Variants in AGBL4 observed in about 807,000 individuals in gnomAD.
The protein encoded by AGBL4 is cytosolic carboxypeptidase 6.
A neutral mutation model predicts 66.4 loss-of-function variants in AGBL4; 58 were observed. The ratio of observed to expected loss-of-function variants is 0.87; its 90% CI spans 0.71 to 1.09. The LOEUF is 1.09. Ranked by LOEUF, AGBL4 falls within the 50% of genes least tolerant of loss-of-function variation. The pLI is 0.00. For synonymous variants in AGBL4, 234 were observed against 222.9 expected (o/e 1.05, Z -0.44); for missense variants, 579 against 631.0 (o/e 0.92, Z 0.88).
intron 9 of AGBL4, among the ~76,000 whole-genome samples, chr1:48,606,774 C>T (rs529126921): frequency 6.6e-6 from 1 of 152,280 alleles, no homozygotes; most frequent in East Asian, 1.9e-4. Context: ...ATACCTCCTT[C>T]CTTTCCCCAT....
At chr1:48,724,962 T>G (rs1055566011) in intron 6 of AGBL4, among the ~76,000 whole-genome samples, 11 of 152,304 alleles carry the variant, frequency 7.2e-5, no homozygotes, top group African/African-American at 2.4e-4. Context: ...GGCACAAGAA[T>G]CCAAAGACTC....
At chr1:48,760,333 T>G (rs997226008) in intron 6 of AGBL4, among the ~76,000 whole-genome samples, 5 of 152,188 alleles carry the variant, frequency 3.3e-5, no homozygotes, top group Admixed American at 2.6e-4. Context: ...GTGTAGGAAG[T>G]GCAGACAACT....
chr1:49,147,957 G>A (rs576825055), intron 4 of AGBL4, among the ~76,000 whole-genome samples: 104 of 152,164 alleles, frequency 6.8e-4, no homozygotes, highest in African/African-American at 2.2e-3. Flanking sequence ...GGATCTTTCT[G>A]CATCCTCAGA....
intron 6 of AGBL4, among the ~76,000 whole-genome samples, chr1:48,841,963 T>C (rs1367787922): frequency 6.6e-6 from 1 of 152,204 alleles, no homozygotes; most frequent in East Asian, 1.9e-4. Context: ...AATGAGTTTG[T>C]TTATCATTCC....
chr1:49,437,109 G>A (rs1168629402), intron 3 of AGBL4, among the ~76,000 whole-genome samples: 8 of 152,116 alleles, frequency 5.3e-5, no homozygotes, highest in Admixed American at 2.6e-4. Context: ...AGAAAGATGA[G>A]GAAGTTCATG....
chr1:48,548,837 T>C (rs571133603), intron 11 of AGBL4, among the ~76,000 whole-genome samples: 77 of 152,374 alleles, frequency 5.1e-4, no homozygotes, highest in African/African-American at 1.7e-3. Flanking sequence ...GTCACTTGTC[T>C]GATGAGTCAC....
At chr1:49,453,908 A>G (rs934019782) in intron 3 of AGBL4, among the ~76,000 whole-genome samples, 4 of 151,824 alleles carry the variant, frequency 2.6e-5, no homozygotes, top group Admixed American at 6.6e-5. Context: ...GATTCCTTTC[A>G]GCTTTCTAAA....
chr1:48,786,531 T>C (rs1437902727), intron 6 of AGBL4, among the ~76,000 whole-genome samples: 4 of 152,196 alleles, frequency 2.6e-5, no homozygotes, highest in Non-Finnish European at 5.9e-5. Context: ...CCTAGAAACC[T>C]GAGAATTAGA....
intron 2 of AGBL4, among the ~76,000 whole-genome samples, chr1:49,754,578 G>A (rs1479322685): frequency 1.3e-5 from 2 of 152,094 alleles, no homozygotes; most frequent in Non-Finnish European, 2.9e-5. Flanking sequence ...TGTCCCAGAG[G>A]GGCACCCAAC....
intron 6 of AGBL4, among the ~76,000 whole-genome samples, chr1:48,670,262 T>C (rs187270641): frequency 6.6e-6 from 1 of 152,306 alleles, no homozygotes; most frequent in Non-Finnish European, 1.5e-5. Flanking sequence ...CCATCAGAAC[T>C]GCACAGCCTG....
chr1:49,615,565 C>T (rs1645234911), intron 3 of AGBL4, among the ~76,000 whole-genome samples: 1 of 152,046 alleles, frequency 6.6e-6, no homozygotes, highest in African/African-American at 2.4e-5. Flanking sequence ...TGTTAGAGAA[C>T]TCTGCCAAAT....
At chr1:49,168,674 T>C (rs911002956) in intron 4 of AGBL4, among the ~76,000 whole-genome samples, 3 of 152,196 alleles carry the variant, frequency 2.0e-5, no homozygotes, top group African/African-American at 7.2e-5. Context: ...CATGCAACTC[T>C]TGCCACCTGC....
Position 49,426,245 on chromosome 1 carries a change from C to G in AGBL4, c.283-180381G>C, listed in dbSNP as rs189904292. 1.6e-4 allele frequency among the ~76,000 whole-genome samples: 24 copies of G among 152,150 alleles called. No individual in the cohort carries two copies. The East Asian group carries it at 4.1e-3, about 26-fold the overall frequency. On this transcript the variant is annotated intron_variant, in intron 3 of 13. Transcript: ENST00000371839. ...AGTGATAAAATGAAAAGTCATTGGC[C>G]ATGAGTTAACATTATTGCAGCTGGA... is the stretch of plus-strand genomic sequence containing the variant.
intron 1 of AGBL4, among the ~76,000 whole-genome samples, chr1:49,873,929 C>G (rs1318748776): frequency 6.6e-6 from 1 of 151,796 alleles, no homozygotes; most frequent in Non-Finnish European, 1.5e-5. Context: ...CTAAAATAGC[C>G]AATACAATTT....
intron 11 of AGBL4, chr1:48,586,289 G>A (rs1644818902): frequency 6.6e-6 from 1 of 152,204 alleles, no homozygotes; most frequent in Non-Finnish European, 1.5e-5. Context: ...AAAGGAATTT[G>A]TCAAAGGAAA....
intron 5 of AGBL4, among the ~76,000 whole-genome samples, chr1:48,986,710 T>C (rs1054247408): frequency 2.0e-5 from 3 of 152,016 alleles, no homozygotes; most frequent in Non-Finnish European, 2.9e-5. Context: ...GGATACCAGA[T>C]GGAAATATGT....
At chr1:48,729,299 C>T (rs1647711345) in intron 6 of AGBL4, among the ~76,000 whole-genome samples, 2 of 152,146 alleles carry the variant, frequency 1.3e-5, no homozygotes, top group South Asian at 2.1e-4. Context: ...TGAATAAATG[C>T]TTTTCCAGGG....
chr1:48,867,638 T>C (rs1239195717), intron 5 of AGBL4, among the ~76,000 whole-genome samples: 1 of 152,194 alleles, frequency 6.6e-6, no homozygotes, highest in Non-Finnish European at 1.5e-5. Context: ...GTGTCCGATA[T>C]ATTGGCAATG....
chr1:49,742,778 C>A (rs549485094), intron 2 of AGBL4, among the ~76,000 whole-genome samples: 1 of 152,028 alleles, frequency 6.6e-6, no homozygotes. Context: ...CTTTGACAAA[C>A]CTGACAAAAA....
Sources: gnomAD v4.1 joint callset for allele counts (sites outside exome capture counted in the v4.1 genomes callset) on GRCh38, gnomAD v4.1.1 for gene constraint, MANE v1.5 for transcripts, NCBI Gene and HGNC (gene_info 2026-07-23, HGNC 2026-07-21) for gene names.